The following SELE variants were observed in gnomAD, a reference collection of about 807,000 sequenced individuals.
The protein encoded by SELE is selectin E.
In SELE, 52 loss-of-function variants were observed where a neutral mutation model predicts 75.8. That is an observed-to-expected ratio of 0.69 (90% CI 0.55 to 0.86). The LOEUF (loss-of-function observed/expected upper bound fraction) is 0.86, where lower values mean the gene tolerates loss of function less well. SELE is among the 40% of genes least tolerant of loss of function. The probability of loss-of-function intolerance (pLI) is 0.00; values close to 1 mark genes in which losing one functional copy is unlikely to be tolerated. For missense variants in SELE, 754 were observed against 732.7 expected, an observed-to-expected ratio of 1.03 and a Z score of -0.34; for synonymous variants, 285 against 258.7, an observed-to-expected ratio of 1.10 and a Z score of -0.98.
At chr1:169,730,698 GTTT>G (rs60632494) in intron 4 of SELE, 81 bp from the exon 5 acceptor site, 21 of 567,116 alleles carry the variant, frequency 3.7e-5, no homozygotes, top group Non-Finnish European at 4.9e-5. Flanking sequence ...CTACAGTTTG[GTTT>G]TTTTTTTTTT....
chr1:169,726,955 C>A, intron 10 of SELE, 149 bp from the exon 11 acceptor site: 1 of 638,644 alleles, frequency 1.6e-6, no homozygotes, highest in African/African-American at 1.8e-5. Context: ...TGTGGCATTA[C>A]AGGCCTTTGA....
chr1:169,729,111 G>GTT, intron 7 of SELE, 75 bp downstream of exon 7: 31 of 1,227,282 alleles, frequency 2.5e-5, no homozygotes, highest in East Asian at 5.2e-5. Flanking sequence ...GTGGGTATTG[G>GTT]TTTTTTTTTT....
At chr1:169,727,559 A>C (rs770002012) in intron 9 of SELE, 34 bp from the exon 10 acceptor site, 14 of 1,588,918 alleles carry the variant, frequency 8.8e-6, no homozygotes, top group Non-Finnish European at 1.2e-5. Flanking sequence ...AGAGTTTCAG[A>C]AAAATCTACT....
chr1:169,726,767 G>C lies in SELE; in HGVS notation c.1685C>G (p.Ser562Cys). ...TGTCAGGAGGGAGAGTCCAGCAGCA[G>C]AAAGTCCAGCTACCAAGGGAATGTT... ...ESNIPLVAGL[S>C]AAGLSLLTLA... is the part of the protein sequence containing the mutation. The change falls in exon 11 of 14, where the codon TCT becomes TGT. Residue 562 changes from serine to cysteine, a missense_variant. Ser to Cys is a moderately radical substitution (Grantham distance 112). Coordinates refer to ENST00000333360, the MANE Select transcript of SELE (RefSeq NM_000450.2). 1 of 1,613,844 alleles carries C rather than the reference G, an allele frequency of 6.2e-7. No individual in the cohort carries two copies. Among genetic ancestry groups the C allele is most frequent in the Non-Finnish European group, 8.5e-7 (1 of 1,179,880 alleles).
At chr1:169,732,290 A>C (rs1648928775) in intron 3 of SELE, among the ~76,000 whole-genome samples, 1 of 149,726 alleles carries the variant, frequency 6.7e-6, no homozygotes, top group South Asian at 2.1e-4. Context: ...ATTTATATAT[A>C]TTTTATATAT....
intron 11 of SELE, 33 bp downstream of exon 11, chr1:169,726,666 A>C: frequency 2.1e-6 from 3 of 1,435,492 alleles, no homozygotes; most frequent in Non-Finnish European, 2.9e-6. Flanking sequence ...ATTTTCAAAA[A>C]CATTTTTGAA....
chr1:169,731,127 A>T (rs570384364), intron 4 of SELE, among the ~76,000 whole-genome samples: 2 of 152,292 alleles, frequency 1.3e-5, no homozygotes, highest in South Asian at 4.1e-4. Flanking sequence ...TTAAACTTGA[A>T]TTCGTTGAAA....
chr1:169,727,091 C>G (rs3917426), intron 10 of SELE, among the ~76,000 whole-genome samples: 1,924 of 152,248 alleles, frequency 0.013, 37 homozygotes, highest in African/African-American at 0.043. Flanking sequence ...TGCTCTCTTG[C>G]TCTCACTCCC....
rs1329841065 is a variant in SELE, at chr1:169,723,471, G to A, written c.*1054C>T. ...GACATTCATAAAATTATACCTTTGTGTGTTTGCATTTATGCTTTTATTAGT... is the reference window on the plus strand; with the variant it reads ...GACATTCATAAAATTATACCTTTGTATGTTTGCATTTATGCTTTTATTAGT... On this transcript the variant is annotated 3_prime_UTR_variant, in exon 14 of 14. Coordinates refer to ENST00000333360, the MANE Select transcript of SELE (RefSeq NM_000450.2). 1 of 152,150 alleles carries A rather than the reference G, an allele frequency of 6.6e-6. No homozygotes were observed. The highest frequency in any genetic ancestry group is 1.5e-5 in the Non-Finnish European group (1 of 68,018). 9.4% of individuals were successfully genotyped at this position (152,150 alleles called of 1,614,324 possible).
rs1648847237 is a variant in SELE, at chr1:169,729,197, G to A, written c.1079C>T (p.Pro360Leu). The change falls in exon 7 of 14, where the codon CCA (proline) becomes CTA (leucine). Residue 360 changes from proline (P) to leucine (L), a missense_variant. Coordinates refer to ENST00000333360, the MANE Select transcript of SELE (RefSeq NM_000450.2). Reference sequence around the variant, plus strand: ...GATCTCAAGCTTACCTTCACAAACTGGGATTTGCTGTGTCCACTGCCCTTG... The same window carrying A: ...GATCTCAAGCTTACCTTCACAAACTAGGATTTGCTGTGTCCACTGCCCTTG... ...TTQGQWTQQI[P>L]VCEAFQCTAL... The A allele has an allele frequency of 6.2e-7, 1 of 1,604,284 alleles. No individual in the cohort carries two copies. Among genetic ancestry groups the A allele is most frequent in the African/African-American group, 1.3e-5 (1 of 74,660 alleles).
rs1188012450 is a variant in SELE, at chr1:169,732,636, T to A, written c.400A>T (p.Lys134Ter). ...MWNDERCSKK[K>*]LALCYTAACT... ...CTACCTGTGTAGCATAGGGCAAGCT[T>A]CTTCTTGCTGCACCTCTCATCATTC... The change falls in exon 3 of 14, where the codon AAG becomes TAG. Residue 134 changes from lysine to a stop codon, truncating the protein, a stop_gained. Coordinates refer to ENST00000333360, the MANE Select transcript of SELE (RefSeq NM_000450.2). LOFTEE classifies it high-confidence loss of function. The A allele has an allele frequency of 1.9e-6, 3 of 1,604,148 alleles. No homozygotes were observed. Among genetic ancestry groups the A allele is most frequent in the Non-Finnish European group, 2.6e-6 (3 of 1,175,784 alleles).
In SELE at chr1:169,729,257, A is replaced by G. The variant is rs1212961431; in HGVS notation, c.1019T>C (p.Met340Thr). 1.9e-6 allele frequency: 3 copies of G among 1,614,042 alleles called. No homozygotes were observed. Among genetic ancestry groups the G allele is most frequent in the African/African-American group, 2.7e-5 (2 of 74,928 alleles). ...TTCAACCTGGGCTGGTCCCTGCAAC[A>G]TGAAGCCTTCCTCACAGGTGAAGTT... ...SCNFTCEEGF[M>T]LQGPAQVECT... Residue 340 changes from methionine to threonine, a missense_variant, in exon 7 of 14, where the codon ATG becomes ACG. Met to Thr is a moderately conservative substitution (Grantham distance 81). Transcript: ENST00000333360.
In SELE at chr1:169,729,495, C is replaced by T. The variant is rs745895659; in HGVS notation, c.894G>A (p.Thr298=). Residue 298 remains threonine (T), a synonymous_variant, in exon 6 of 14, where the codon ACG becomes ACA. Transcript: ENST00000333360. ...CATGTGGAACAACTCTACCTTTACA[C>T]GTTGGCTTCTCGTTGTCCCAATTCC... ...SSGNWDNEKP[T]CKAVTCRAVR... The T allele has an allele frequency of 6.8e-6, 11 of 1,613,982 alleles. No individual in the cohort carries two copies. The highest frequency in any genetic ancestry group is 3.3e-5 in the South Asian group (3 of 91,052).
rs754695604 is a variant in SELE, at chr1:169,732,792, C to T, written c.244G>A (p.Val82Ile). ...AGAGGTTTCTGGGTTCCTACCCAGACCCACACATTGTTGACTTTTCTGATT... is the reference window on the plus strand; with the variant it reads ...AGAGGTTTCTGGGTTCCTACCCAGATCCACACATTGTTGACTTTTCTGATT... ...IGIRKVNNVW[V>I]WVGTQKPLTE... The change falls in exon 3 of 14, where the codon GTC becomes ATC. Residue 82 changes from valine (V) to isoleucine (I), a missense_variant. Transcript: ENST00000333360. 2.5e-6 allele frequency: 4 copies of T among 1,614,100 alleles called. No homozygotes were observed. Among genetic ancestry groups the T allele is most frequent in the South Asian group, 1.1e-5 (1 of 91,070 alleles).
intron 5 of SELE, 88 bp downstream of exon 5, chr1:169,730,344 G>A: frequency 3.2e-6 from 4 of 1,239,098 alleles, no homozygotes; most frequent in Non-Finnish European, 4.4e-6. Context: ...AACTTTCCCT[G>A]AAGTTTTGAA....
Position 169,731,956 on chromosome 1 carries a change from A to C in SELE, c.422-14T>G, listed in dbSNP as rs764069270. 1 of 1,556,742 alleles carries C rather than the reference A, an allele frequency of 6.4e-7. No homozygotes were observed. On this transcript the variant is annotated splice_polypyrimidine_tract_variant and intron_variant, in intron 3 of 13. Coordinates refer to ENST00000333360, the MANE Select transcript of SELE (RefSeq NM_000450.2). ...TGGTACAGGCAGCTACGGAAAATAC[A>C]AAGCATGATGAGGAGGACTATTACT... is the stretch of plus-strand genomic sequence containing the variant.
chr1:169,730,319 C>CA, intron 5 of SELE, 113 bp downstream of exon 5: 1 of 1,024,964 alleles, frequency 9.8e-7, no homozygotes, highest in Non-Finnish European at 1.4e-6. Flanking sequence ...GTATTAAAAA[C>CA]AAAAACAAAA....
chr1:169,731,618 G>T, intron 4 of SELE: 1 of 474,962 alleles, frequency 2.1e-6, no homozygotes. Context: ...AACTGACATA[G>T]AGAGTTAAAC....
chr1:169,732,403 T>C (rs748220761), intron 3 of SELE, among the ~76,000 whole-genome samples: 1 of 147,744 alleles, frequency 6.8e-6, no homozygotes, highest in Non-Finnish European at 1.5e-5. Context: ...TATATGTGTG[T>C]GTGTATATAT....
Sources: allele counts gnomAD v4.1 joint callset (sites outside exome capture counted in the v4.1 genomes callset), GRCh38; gene constraint gnomAD v4.1.1; transcripts MANE v1.5; gene names NCBI Gene and HGNC (gene_info 2026-07-23, HGNC 2026-07-21).